Variants in BYSL observed in about 807,000 individuals in gnomAD.
BYSL encodes bystin.
A neutral mutation model predicts 45.4 loss-of-function variants in BYSL; 21 were observed. The observed-to-expected ratio is 0.46, with a 90% CI of 0.33 to 0.67. The LOEUF (loss-of-function observed/expected upper bound fraction) is 0.67. BYSL is among the 30% of genes least tolerant of loss of function. The pLI, the probability that BYSL is intolerant of heterozygous loss-of-function variation, is 0.02. For missense variants in BYSL, 522 were observed against 578.5 expected (o/e 0.90, Z 1.00); for synonymous variants, 215 against 231.3 (o/e 0.93, Z 0.64).
chr6:41,927,737 T>A, intron 2 of BYSL: 1 of 579,840 alleles, frequency 1.7e-6, no homozygotes, highest in Non-Finnish European at 3.0e-6. Flanking sequence ...ATTGTGTCCT[T>A]ATGTCCATTT....
upstream of BYSL, chr6:41,920,742 G>A (rs1191827088): frequency 4.9e-6 from 2 of 407,064 alleles, no homozygotes; most frequent in Non-Finnish European, 8.8e-6. Flanking sequence ...CTGCACTCCA[G>A]TCTGGCGACA....
intron 2 of BYSL, 131 bp downstream of exon 2, chr6:41,927,667 A>T: frequency 8.6e-7 from 1 of 1,158,690 alleles, no homozygotes; most frequent in Non-Finnish European, 1.2e-6. Context: ...GACCACCTTG[A>T]CAAAACTGGC....
intron 6 of BYSL, 69 bp downstream of exon 6, chr6:41,931,899 G>T: frequency 5.6e-6 from 8 of 1,441,372 alleles, no homozygotes; most frequent in Non-Finnish European, 7.8e-6. Context: ...CAGGACTTGG[G>T]AATGGGCAGA....
intron 1 of BYSL, among the ~76,000 whole-genome samples, chr6:41,927,102 A>G (rs1264085563): frequency 6.6e-6 from 1 of 152,040 alleles, no homozygotes; most frequent in Non-Finnish European, 1.5e-5. Flanking sequence ...TCAAAAAAAA[A>G]AAAAAAAGTT....
At chr6:41,923,985 A>G (rs142039291) in intron 1 of BYSL, among the ~76,000 whole-genome samples, 1,527 of 149,282 alleles carry the variant, frequency 0.01, 24 homozygotes, top group African/African-American at 0.034. Context: ...AGGCCTATCC[A>G]CTCCATTTAA....
intron 1 of BYSL, among the ~76,000 whole-genome samples, chr6:41,926,442 A>AT (rs1328947394): frequency 1.3e-5 from 2 of 151,430 alleles, no homozygotes; most frequent in African/African-American, 2.4e-5. Flanking sequence ...GGTTTATTTT[A>AT]TTTTTTTTAA....
At chr6:41,917,194 G>C (rs1176792106), upstream of BYSL, among the ~76,000 whole-genome samples, 2 of 152,122 alleles carry the variant, frequency 1.3e-5, no homozygotes, top group Non-Finnish European at 2.9e-5. Flanking sequence ...GAAGTCAGGA[G>C]TTCAAGACAA....
rs772391901 is a variant in BYSL, at chr6:41,921,769, C to T, written c.207C>T (p.Leu69=). The T allele has an allele frequency of 6.2e-7, 1 of 1,613,232 alleles. No individual in the cohort carries two copies. The highest frequency in any genetic ancestry group is 8.5e-7 in the Non-Finnish European group (1 of 1,179,856). ...AAGCACGGCAGCAACAGGAGGAACT[C>T]GAGGCCGAGCATGGGACTGGGGACA... The part of the protein sequence containing the change: ...LQQARQQQEE[L]EAEHGTGDKP... The change falls in exon 1 of 7, where the codon CTC becomes CTT. Residue 69 remains leucine (L), a synonymous_variant. Transcript: ENST00000230340.
chr6:41,919,184 A>C (rs372161246), upstream of BYSL, among the ~76,000 whole-genome samples: 257 of 151,994 alleles, frequency 1.7e-3, no homozygotes, highest in African/African-American at 6.0e-3. Context: ...AAAGAGGTTA[A>C]ATAACTTGCA....
At chr6:41,917,445 TG>T (rs1402998626), upstream of BYSL, 1 of 195,608 alleles carries the variant, frequency 5.1e-6, no homozygotes, top group Non-Finnish European at 1.1e-5. Flanking sequence ...GTAGTTAGAG[TG>T]GGGAAGAGTA....
chr6:41,918,318 A>G (rs1775368991), upstream of BYSL, among the ~76,000 whole-genome samples: 1 of 151,634 alleles, frequency 6.6e-6, no homozygotes, highest in Admixed American at 6.6e-5. Flanking sequence ...AGCCTAGCCA[A>G]CATGGTGAAA....
At chr6:41,911,398 G>A in the BYSL span, among the ~76,000 whole-genome samples, 6 of 152,056 alleles carry the variant, frequency 3.9e-5, no homozygotes, top group Admixed American at 6.5e-5. Context: ...TGATCTGCCC[G>A]CCTCAGCCTC....
At chr6:41,931,901 A>C in intron 6 of BYSL, 71 bp downstream of exon 6, 1 of 1,432,628 alleles carries the variant, frequency 7.0e-7, no homozygotes, top group Non-Finnish European at 9.8e-7. Context: ...GGACTTGGGA[A>C]TGGGCAGAGT....
chr6:41,919,957 T>G (rs1033689049), upstream of BYSL, among the ~76,000 whole-genome samples: 2 of 152,174 alleles, frequency 1.3e-5, no homozygotes, highest in Admixed American at 6.5e-5. Flanking sequence ...CCCCTACACA[T>G]GCTTTTGTAT....
chr6:41,922,417 T>C (rs1435201163), intron 1 of BYSL, among the ~76,000 whole-genome samples: 2 of 152,244 alleles, frequency 1.3e-5, no homozygotes, highest in Admixed American at 1.3e-4. Context: ...GAAAGACGTC[T>C]GATGTTTTCT....
At chr6:41,908,981 G>A in the BYSL span, 26 of 440,154 alleles carry the variant, frequency 5.9e-5, no homozygotes, top group South Asian at 2.1e-4. Flanking sequence ...CCAGGAGTCT[G>A]AGATCAGCCT....
chr6:41,909,205 T>C, the BYSL span: 1 of 1,545,166 alleles, frequency 6.5e-7, no homozygotes, highest in Non-Finnish European at 8.7e-7. Context: ...CTGGAAAATC[T>C]TCAGAGCCCT....
the BYSL span, among the ~76,000 whole-genome samples, chr6:41,914,552 A>C: frequency 6.6e-6 from 1 of 152,132 alleles, no homozygotes; most frequent in African/African-American, 2.4e-5. Flanking sequence ...TGTGCCATGG[A>C]ACTGTTCAAG....
intron 5 of BYSL, 51 bp from the exon 6 acceptor site, chr6:41,931,677 C>T (rs1420632104): frequency 2.5e-6 from 4 of 1,605,752 alleles, no homozygotes; most frequent in South Asian, 1.1e-5. Flanking sequence ...CCTGCTGTAA[C>T]TCCTTTTTCT....
Sources: gnomAD v4.1 joint callset for allele counts (sites outside exome capture counted in the v4.1 genomes callset) on GRCh38, gnomAD v4.1.1 for gene constraint, MANE v1.5 for transcripts, NCBI Gene and HGNC (gene_info 2026-07-23, HGNC 2026-07-21) for gene names.